SCML2: variants seen among roughly 807,000 people sequenced by gnomAD.
The protein encoded by SCML2 is sex comb on midleg-like protein 2.
In SCML2, 6 loss-of-function variants were observed where a neutral mutation model predicts 48.4. The ratio of observed to expected loss-of-function variants is 0.12; its 90% CI spans 0.07 to 0.24. The LOEUF (loss-of-function observed/expected upper bound fraction) is 0.24. Ranked by LOEUF, SCML2 falls within the 10% of genes least tolerant of loss-of-function variation. The pLI is 1.00. For synonymous variants in SCML2, 181 were observed against 189.5 expected (o/e 0.95, Z 0.37); for missense variants, 377 against 528.2 (o/e 0.71, Z 2.81).
At chrX:18,243,811 TC>T (rs1926349959) in intron 13 of SCML2, among the ~76,000 whole-genome samples, 2 of 111,992 alleles carry the variant, frequency 1.8e-5, no homozygotes, top group Admixed American at 9.5e-5. Flanking sequence ...AGCCCTTAAC[TC>T]CCTAAAGTTA....
chrX:18,274,202 C>A (rs1358494321), intron 7 of SCML2, among the ~76,000 whole-genome samples: 1 of 111,577 alleles, frequency 9.0e-6, no homozygotes, highest in Non-Finnish European at 1.9e-5. Context: ...GTCACAGGTA[C>A]CCCCCTAGAT....
At chrX:18,306,048 C>G (rs1419480421) in intron 6 of SCML2, among the ~76,000 whole-genome samples, 1 of 111,391 alleles carries the variant, frequency 9.0e-6, no homozygotes, top group Non-Finnish European at 1.9e-5. Context: ...ATTCTACTGA[C>G]ACTTGTTCAA....
intron 7 of SCML2, among the ~76,000 whole-genome samples, chrX:18,277,156 G>A (rs996941434): frequency 9.0e-6 from 1 of 111,358 alleles, no homozygotes; most frequent in African/African-American, 3.3e-5. Flanking sequence ...CTGCAGCCTC[G>A]ACTTCCCAGG....
intron 1 of SCML2, chrX:18,341,441 G>A (rs1473937474): frequency 1.6e-5 from 3 of 187,409 alleles, no homozygotes; most frequent in African/African-American, 9.1e-5. Context: ...CACAAACTGT[G>A]ACGTGAACCT....
chrX:18,242,342 G>T, intron 14 of SCML2, 97 bp downstream of exon 14: 2 of 916,587 alleles, frequency 2.2e-6, no homozygotes, highest in Non-Finnish European at 1.5e-6. Context: ...CAGTTGATAG[G>T]GTTCCCCCAC....
At chrX:18,289,326 C>T in intron 7 of SCML2, among the ~76,000 whole-genome samples, 1 of 112,148 alleles carries the variant, frequency 8.9e-6, no homozygotes, top group Non-Finnish European at 1.9e-5. Flanking sequence ...ATCATAATAG[C>T]CATCTCATTT....
At chrX:18,245,089 A>C (rs938318367) in intron 13 of SCML2, among the ~76,000 whole-genome samples, 35 of 111,917 alleles carry the variant, frequency 3.1e-4, no homozygotes, top group Non-Finnish European at 3.2e-4. Flanking sequence ...GAAAATGCTT[A>C]CCAGCACCTA....
At chrX:18,248,458 C>A (rs1392260901) in intron 11 of SCML2, among the ~76,000 whole-genome samples, 1 of 112,105 alleles carries the variant, frequency 8.9e-6, no homozygotes, top group East Asian at 2.8e-4. Context: ...TAACCTCCAA[C>A]TAAAAGGACA....
At chrX:18,294,932 CT>C (rs1234343369) in intron 7 of SCML2, among the ~76,000 whole-genome samples, 6 of 111,441 alleles carry the variant, frequency 5.4e-5, no homozygotes, top group Non-Finnish European at 1.1e-4. Context: ...AGAACAGACT[CT>C]AACACTGCCC....
intron 6 of SCML2, among the ~76,000 whole-genome samples, chrX:18,319,608 C>CAAAAAAAAAAAAAAAAAAAAA (rs78459209): frequency 1.1e-5 from 1 of 89,435 alleles, no homozygotes; most frequent in Non-Finnish European, 2.2e-5. Context: ...AAAAAAAAAA[C>CAAAAAAAAAAAAAAAAAAAAA]AAAAAAAAAA....
chrX:18,264,862 T>C (rs953175051), intron 8 of SCML2, among the ~76,000 whole-genome samples: 3 of 111,499 alleles, frequency 2.7e-5, no homozygotes, highest in Non-Finnish European at 3.8e-5. Context: ...GTCAGAGACG[T>C]TGGTAGACAG....
intron 14 of SCML2, among the ~76,000 whole-genome samples, chrX:18,241,982 G>A (rs764675784): frequency 2.7e-5 from 3 of 112,016 alleles, no homozygotes; most frequent in Non-Finnish European, 3.8e-5. Flanking sequence ...ATCAATTTAT[G>A]TCATGGAAGC....
At chrX:18,347,519 A>G (rs1268653419) in intron 1 of SCML2, among the ~76,000 whole-genome samples, 8 of 107,787 alleles carry the variant, frequency 7.4e-5, no homozygotes, top group Non-Finnish European at 1.5e-4. Flanking sequence ...TGGGAATACG[A>G]GGTGGGCAGA....
At chrX:18,272,604 C>T (rs1927497518) in intron 7 of SCML2, among the ~76,000 whole-genome samples, 1 of 112,511 alleles carries the variant, frequency 8.9e-6, no homozygotes, top group African/African-American at 3.2e-5. Flanking sequence ...AATCCAGCTT[C>T]GCCACACAAT....
intron 13 of SCML2, 46 bp from the exon 14 acceptor site, chrX:18,242,636 T>C (rs751488055): frequency 1.7e-6 from 2 of 1,148,449 alleles, no homozygotes; most frequent in African/African-American, 3.7e-5. Flanking sequence ...ACCTGATCAT[T>C]ATCCTGAAAG....
intron 5 of SCML2, among the ~76,000 whole-genome samples, chrX:18,322,777 C>A (rs914862321): frequency 4.5e-5 from 5 of 110,114 alleles, no homozygotes; most frequent in Non-Finnish European, 7.6e-5. Context: ...ACCTGTAATC[C>A]CAACTGCTCG....
At chrX:18,274,750 T>C (rs1487863245) in intron 7 of SCML2, among the ~76,000 whole-genome samples, 1 of 111,779 alleles carries the variant, frequency 8.9e-6, no homozygotes, top group Non-Finnish European at 1.9e-5. Flanking sequence ...CGGAATGGAC[T>C]TCCCCCTAGG....
At chrX:18,320,206 T>TA (rs768254147) in intron 6 of SCML2, 126 bp downstream of exon 6, 37 of 413,315 alleles carry the variant, frequency 9.0e-5, no homozygotes, top group Non-Finnish European at 1.4e-4. Context: ...CCTAGCAAAC[T>TA]AATACACTTG....
intron 5 of SCML2, among the ~76,000 whole-genome samples, chrX:18,321,699 A>G (rs1427530485): frequency 1.8e-5 from 2 of 109,138 alleles, no homozygotes; most frequent in African/African-American, 6.7e-5. Flanking sequence ...AGAGTATTGC[A>G]TAAGAATCAT....
Sources: gnomAD v4.1 joint callset for allele counts (sites outside exome capture counted in the v4.1 genomes callset) on GRCh38, gnomAD v4.1.1 for gene constraint, MANE v1.5 for transcripts, NCBI Gene and HGNC (gene_info 2026-07-23, HGNC 2026-07-21) for gene names.